Variants in HERC1 observed in about 807,000 individuals in gnomAD.
HERC1 encodes the protein probable E3 ubiquitin-protein ligase HERC1.
HERC1 carries 160 observed loss-of-function variants against 554.3 expected under a neutral mutation model. The observed-to-expected ratio is 0.29, with a 90% CI of 0.25 to 0.33. The LOEUF is 0.33. Among genes scored for constraint, HERC1 ranks in the 10% least tolerant of loss-of-function variants. The pLI is 1.00. For synonymous variants in HERC1, 2,175 were observed against 2,131.7 expected, an observed-to-expected ratio of 1.02 and a Z score of -0.56; for missense variants, 4,919 against 5,918.5, an observed-to-expected ratio of 0.83 and a Z score of 5.54.
Position 63,772,614 on chromosome 15 carries a change from C to G in HERC1, c.930+2080G>C, listed in dbSNP as rs145697123. Among the ~76,000 whole-genome samples the G allele has an allele frequency of 2.6e-5, 4 of 151,438 alleles. No homozygotes were observed. In the East Asian group the frequency reaches 5.8e-4, roughly 22 times the overall value. ...CCAGAAAGTATTAAGAATCAGAAAA[C>G]AAAGTTAGAAAAACATGTGCAAATG... On this transcript the variant is annotated intron_variant, in intron 2 of 77. Transcript: ENST00000443617.
intron 3 of HERC1, among the ~76,000 whole-genome samples, chr15:63,759,107 T>C (rs1209775656): frequency 1.3e-5 from 2 of 152,180 alleles, no homozygotes; most frequent in East Asian, 3.9e-4. Context: ...GTTGTTACTA[T>C]ACTTTTTATT....
rs1278586093 is a variant in HERC1, at chr15:63,712,972, A to G, written c.4464-77T>C. The G allele has an allele frequency of 3.6e-6, 5 of 1,382,628 alleles. No individual in the cohort carries two copies. The Admixed American group carries it at 1.1e-4, about 29-fold the overall frequency. 85.6% of individuals were successfully genotyped at this position (1,382,628 alleles called of 1,614,324 possible). A position where few individuals can be genotyped will look rare whatever the true frequency, so the allele number is the denominator to read the frequency against. On this transcript the variant is annotated intron_variant, in intron 23 of 77. Transcript: ENST00000443617. ...ACATAAAATTGAATGGAATTGGAGC[A>G]CAGAGATAATATACACACACAGGGA...
rs1232138749 is a variant in HERC1 at position 63,746,841 on chromosome 15, G to A, written c.2520+77C>T. 3 of 1,247,202 alleles carry A rather than the reference G, an allele frequency of 2.4e-6. No homozygotes were observed. In the African/African-American group the frequency reaches 4.5e-5, roughly 19 times the overall value. 77.3% of individuals were successfully genotyped at this position (1,247,202 alleles called of 1,614,324 possible). On this transcript the variant is annotated intron_variant, in intron 12 of 77. Coordinates refer to ENST00000443617, the MANE Select transcript of HERC1 (RefSeq NM_003922.4). ...TCCAATTGAAATTGTCCAATGTACA[G>A]TTGAATATATTGTATAGCTAAAATC...
At position 63,694,606 on chromosome 15, in the gene HERC1, A is replaced by C; in HGVS notation, c.5243-57T>G. On this transcript the variant is annotated intron_variant, in intron 28 of 77. Coordinates refer to ENST00000443617, the MANE Select transcript of HERC1 (RefSeq NM_003922.4). This position sits in a 1 kb window ranked among gnomAD's most constrained non-coding sequence, Gnocchi z 4.3. ...CTTTCAGTAAACAAAGCATTTATTA[A>C]AATGAATAATTTTCTAAAATATTAA... 6.7e-7 allele frequency: 1 copy of C among 1,491,806 alleles called. No homozygotes were observed. Among genetic ancestry groups the C allele is most frequent in the Non-Finnish European group, 9.2e-7 (1 of 1,083,266 alleles). The allele number at this position is 1,491,806 out of a possible 1,614,324, so 92.4% of individuals were successfully genotyped here. A position where few individuals can be genotyped will look rare whatever the true frequency, so the allele number is the denominator to read the frequency against.
In HERC1 at chr15:63,612,683, G is replaced by A. The variant is rs931294018; in HGVS notation, c.14095-127C>T. ...CCCCAGACCCTCTACTTGTTTCTCA[G>A]ACCGCCAGGCACGAGAGTCAGTCAA... On this transcript the variant is annotated intron_variant, in intron 76 of 77. Transcript: ENST00000443617. This position sits in a 1 kb window ranked among gnomAD's most constrained non-coding sequence, Gnocchi z 5.0. 1.9e-5 allele frequency: 16 copies of A among 850,622 alleles called. No homozygotes were observed. The highest frequency in any genetic ancestry group is 2.8e-5 in the Non-Finnish European group (16 of 565,792). 52.7% of individuals were successfully genotyped at this position (850,622 alleles called of 1,614,324 possible).
chr15:63,768,891 T>A (rs1190206878), intron 2 of HERC1, among the ~76,000 whole-genome samples: 3 of 152,164 alleles, frequency 2.0e-5, no homozygotes, highest in African/African-American at 7.2e-5. Flanking sequence ...CATAGTAAGA[T>A]CTCAAAACTG....
At chr15:63,618,431 T>C (rs1595826537) in intron 74 of HERC1, among the ~76,000 whole-genome samples, 2 of 152,046 alleles carry the variant, frequency 1.3e-5, no homozygotes, top group East Asian at 1.9e-4. Context: ...TGAAGTCAGG[T>C]AGTGTGATGC....
Position 63,669,498 on chromosome 15 carries a change from T to C in HERC1, c.8206+40A>G, listed in dbSNP as rs201468213. On this transcript the variant is annotated intron_variant, in intron 40 of 77. Coordinates refer to ENST00000443617, the MANE Select transcript of HERC1 (RefSeq NM_003922.4). ...ATAATAAAGTCCCACACATCTGGAATGCCAACTTTGGATATCATAGTGCAT... is the reference window on the plus strand; with the variant it reads ...ATAATAAAGTCCCACACATCTGGAACGCCAACTTTGGATATCATAGTGCAT... 3.6e-5 allele frequency: 58 copies of C among 1,594,830 alleles called. 1 individual carries two copies. The Admixed American group carries it at 9.2e-4, about 25-fold the overall frequency.
In HERC1 at chr15:63,758,839, T is replaced by C. The variant is rs768656835; in HGVS notation, c.1027-470A>G. 7.2e-5 allele frequency among the ~76,000 whole-genome samples: 11 copies of C among 152,170 alleles called. No individual in the cohort carries two copies. Among genetic ancestry groups the C allele is most frequent in the Non-Finnish European group, 1.5e-4 (10 of 68,034 alleles). On this transcript the variant is annotated intron_variant, in intron 3 of 77. Transcript: ENST00000443617. The surrounding 1 kb of genome is among the most constrained non-coding windows in gnomAD (Gnocchi z 4.0). The stretch of plus-strand genomic sequence containing the variant: ...TGCCTACCTAGTCTTCATGATTGAA[T>C]AGATAATATTCCATCTAGTAAAAAA...
chr15:63,799,651 G>A (rs28521407), intron 1 of HERC1, among the ~76,000 whole-genome samples: 1,762 of 152,226 alleles, frequency 0.012, 31 homozygotes, highest in African/African-American at 0.041. Flanking sequence ...GGCTTTGAAA[G>A]CAAAGAAAAA....
chr15:63,624,166 T>G lies in HERC1; in HGVS notation c.13437A>C (p.Ile4479=). The G allele has an allele frequency of 2.5e-6, 4 of 1,610,498 alleles. No homozygotes were observed. Among genetic ancestry groups the G allele is most frequent in the African/African-American group, 1.3e-5 (1 of 74,894 alleles). The change falls in exon 72 of 78, where the codon ATA becomes ATC. Residue 4479 remains isoleucine, a synonymous_variant. Transcript: ENST00000443617. ...CACATACATATGCTAACCTGGTTGA[T>G]ATCCTCTTTACAGTTATCTGAGGTC... ...NYGPQITVKR[I]STRGRKCKPI...
intron 1 of HERC1, among the ~76,000 whole-genome samples, chr15:63,819,452 G>C (rs2077609807): frequency 6.6e-6 from 1 of 152,162 alleles, no homozygotes; most frequent in South Asian, 2.1e-4. Flanking sequence ...TAGACAGTTT[G>C]CTTAACCTTG....
At chr15:63,763,452 T>C (rs11853112) in intron 3 of HERC1, among the ~76,000 whole-genome samples, 3 of 151,958 alleles carry the variant, frequency 2.0e-5, no homozygotes, top group African/African-American at 7.3e-5. Context: ...TCATGAGTAA[T>C]CTATCAGTAA....
At chr15:63,814,139 G>T (rs2077417905) in intron 1 of HERC1, among the ~76,000 whole-genome samples, 1 of 152,168 alleles carries the variant, frequency 6.6e-6, no homozygotes, top group Admixed American at 6.5e-5. Context: ...ATTTGGAAAA[G>T]AGTATTTCTG....
At chr15:63,755,697 C>A (rs1281525755) in intron 5 of HERC1, among the ~76,000 whole-genome samples, 1 of 152,086 alleles carries the variant, frequency 6.6e-6, no homozygotes, top group Non-Finnish European at 1.5e-5. Context: ...GGAGGACCAC[C>A]TGAGCCCCAG....
At chr15:63,766,726 G>A (rs560278331) in intron 2 of HERC1, among the ~76,000 whole-genome samples, 3 of 152,246 alleles carry the variant, frequency 2.0e-5, no homozygotes, top group Non-Finnish European at 4.4e-5. Flanking sequence ...TGCCCAGGCT[G>A]GAGTGCAATG....
intron 66 of HERC1, among the ~76,000 whole-genome samples, 200 bp downstream of exon 66, chr15:63,634,533 T>C (rs1187912566): frequency 6.6e-6 from 1 of 152,248 alleles, no homozygotes; most frequent in Non-Finnish European, 1.5e-5. Context: ...TTTGTTGGTT[T>C]GTCACATAAA....
At chr15:63,711,755 C>A (rs2073306425) in intron 24 of HERC1, among the ~76,000 whole-genome samples, 2 of 152,326 alleles carry the variant, frequency 1.3e-5, no homozygotes, top group South Asian at 4.1e-4. Flanking sequence ...CAAGATCCCA[C>A]CGCTCTTTAA....
At chr15:63,615,509 C>T (rs1297821107) in intron 76 of HERC1, among the ~76,000 whole-genome samples, 1 of 152,222 alleles carries the variant, frequency 6.6e-6, no homozygotes, top group Non-Finnish European at 1.5e-5. Flanking sequence ...ACTGGGGAGG[C>T]TGAGGCCAGA....
Sources: gnomAD v4.1 joint callset for allele counts (sites outside exome capture counted in the v4.1 genomes callset) on GRCh38, gnomAD v4.1.1 for gene constraint, Gnocchi (gnomAD v3.1) non-coding constraint, MANE v1.5 for transcripts, NCBI Gene and HGNC (gene_info 2026-07-23, HGNC 2026-07-21) for gene names.